SRSF11: variants seen among roughly 807,000 people sequenced by gnomAD.
SRSF11 encodes serine/arginine-rich splicing factor 11.
A neutral mutation model predicts 56.0 loss-of-function variants in SRSF11; 9 were observed. The observed-to-expected ratio is 0.16, with a 90% confidence interval of 0.10 to 0.28. The LOEUF (loss-of-function observed/expected upper bound fraction) is 0.28, where lower values mean the gene tolerates loss of function less well. SRSF11 is among the 10% of genes least tolerant of loss of function. The probability of loss-of-function intolerance (pLI) is 1.00; values close to 1 mark genes in which losing one functional copy is unlikely to be tolerated. For missense variants in SRSF11, 421 were observed against 600.7 expected (o/e 0.70, Z 3.13); for synonymous variants, 222 against 215.3 (o/e 1.03, Z -0.27).
Position 70,221,527 on chromosome 1 carries a change from A to G in SRSF11, c.-110A>G, listed in dbSNP as rs979112776. ...CATCGGCAGCAGTAGCAGAGGCTGT[A>G]GCATCGGACACCCTCCTCTCTCCCG... On this transcript the variant is annotated 5_prime_UTR_variant, in exon 1 of 12. Transcript: ENST00000370949. 5 of 1,379,210 alleles carry G rather than the reference A, an allele frequency of 3.6e-6. No individual in the cohort carries two copies. The highest frequency in any genetic ancestry group is 3.9e-6 in the Non-Finnish European group (4 of 1,017,830). 85.4% of individuals were successfully genotyped at this position (1,379,210 alleles called of 1,614,324 possible).
intron 4 of SRSF11, among the ~76,000 whole-genome samples, chr1:70,235,103 CTTTTA>C (rs766008635): frequency 1.3e-5 from 2 of 151,994 alleles, no homozygotes; most frequent in African/African-American, 2.4e-5. Flanking sequence ...GGAAATTTTT[CTTTTA>C]TTTTAATTTA....
intron 2 of SRSF11, 171 bp downstream of exon 2, chr1:70,228,726 T>C (rs1672331864): frequency 3.1e-6 from 4 of 1,295,830 alleles, no homozygotes; most frequent in African/African-American, 3.1e-5. Context: ...TTCTAAAAAT[T>C]AGAAATTAGG....
chr1:70,226,334 A>C (rs1289072346), intron 1 of SRSF11, among the ~76,000 whole-genome samples: 1 of 152,204 alleles, frequency 6.6e-6, no homozygotes, highest in African/African-American at 2.4e-5. Flanking sequence ...CACAGTATTC[A>C]AATTCATATT....
chr1:70,234,849 GT>G, intron 4 of SRSF11, 61 bp downstream of exon 4: 1 of 1,390,542 alleles, frequency 7.2e-7, no homozygotes, highest in Non-Finnish European at 9.9e-7. Context: ...TTCATTAACT[GT>G]TGGTTTGCAT....
rs1342580437 is a variant in SRSF11, at chr1:70,250,052, G to C, written c.1118+5G>C. 13 of 1,601,046 alleles carry C rather than the reference G, an allele frequency of 8.1e-6. No homozygotes were observed. The highest frequency in any genetic ancestry group is 9.4e-6 in the Non-Finnish European group (11 of 1,169,928). On this transcript the variant is annotated splice_donor_5th_base_variant and intron_variant, in intron 10 of 11. Transcript: ENST00000370949. Reference sequence around the variant, plus strand: ...CCGCTCACCATCCCCTAGGAGGTAAGAATGTTAATCATTTAAATGTATTTT... The same window carrying C: ...CCGCTCACCATCCCCTAGGAGGTAACAATGTTAATCATTTAAATGTATTTT...
chr1:70,236,303 T>A (rs1673994253), intron 5 of SRSF11, among the ~76,000 whole-genome samples: 1 of 151,674 alleles, frequency 6.6e-6, no homozygotes, highest in Non-Finnish European at 1.5e-5. Context: ...TTGTTGTCTA[T>A]AATTTTTTTT....
At chr1:70,247,074 A>G (rs1571938748) in intron 9 of SRSF11, 167 bp downstream of exon 9, 1 of 1,113,434 alleles carries the variant, frequency 9.0e-7, no homozygotes, top group Non-Finnish European at 1.2e-6. Flanking sequence ...TGTGAAGAAT[A>G]ATGTAGTTTA....
intron 1 of SRSF11, among the ~76,000 whole-genome samples, chr1:70,206,509 C>T (rs2100393043): frequency 6.6e-6 from 1 of 152,178 alleles, no homozygotes; most frequent in African/African-American, 2.4e-5. Context: ...TTAAAATTTT[C>T]ATCTGAAATG....
In SRSF11 at chr1:70,251,516, CATA is replaced by C. The variant is rs1677945942; in HGVS notation, c.*713_*715del. 6.6e-6 allele frequency: 1 copy of C among 152,358 alleles called. No homozygotes were observed. The highest frequency in any genetic ancestry group is 6.5e-5 in the Admixed American group (1 of 15,272). 9.4% of individuals were successfully genotyped at this position (152,358 alleles called of 1,614,324 possible). A position where few individuals can be genotyped will look rare whatever the true frequency, so the allele number is the denominator to read the frequency against. ...TTTGAAGTAGAGTTGTATACTTTTT[CATA>C]AGATGTTTGGGAATTTTTTTCCTGA... On this transcript the variant is annotated 3_prime_UTR_variant, in exon 12 of 12. Transcript: ENST00000370949.
chr1:70,221,981 G>A, intron 1 of SRSF11, 142 bp downstream of exon 1: 2 of 1,421,458 alleles, frequency 1.4e-6, no homozygotes, highest in Non-Finnish European at 1.8e-6. Context: ...ACTTAAGACG[G>A]TTGTGTTCCA....
chr1:70,226,483 G>A (rs1671812328), intron 1 of SRSF11, among the ~76,000 whole-genome samples: 1 of 151,934 alleles, frequency 6.6e-6, no homozygotes, highest in African/African-American at 2.4e-5. Flanking sequence ...TTGAGCACGG[G>A]GGCAGTACTT....
At chr1:70,206,997 T>C (rs551471135) in intron 1 of SRSF11, among the ~76,000 whole-genome samples, 1 of 151,612 alleles carries the variant, frequency 6.6e-6, no homozygotes, top group South Asian at 2.1e-4. Context: ...TTCAAGTGAT[T>C]CTCCTGCCTC....
intron 2 of SRSF11, chr1:70,230,499 G>A: frequency 1.6e-6 from 2 of 1,241,248 alleles, no homozygotes; most frequent in Non-Finnish European, 2.1e-6. Flanking sequence ...AGGTTCCTTG[G>A]TTAATGTTTG....
upstream of SRSF11, chr1:70,218,854 C>T (rs1027007485): frequency 5.9e-5 from 9 of 152,104 alleles, no homozygotes; most frequent in African/African-American, 2.2e-4. Context: ...CCTCCATAAC[C>T]ATGTGTTCCA....
chr1:70,247,492 T>C (rs1325748144), intron 9 of SRSF11, among the ~76,000 whole-genome samples: 3 of 152,136 alleles, frequency 2.0e-5, no homozygotes, highest in Non-Finnish European at 4.4e-5. Context: ...GCTGCAGTGC[T>C]TGTTTTATTC....
chr1:70,237,069 G>A (rs1674274221), intron 5 of SRSF11, among the ~76,000 whole-genome samples: 2 of 151,978 alleles, frequency 1.3e-5, no homozygotes, highest in Non-Finnish European at 2.9e-5. Flanking sequence ...TTACAGGCGT[G>A]AGCCACCACA....
chr1:70,239,553 A>G (rs1674859178), intron 7 of SRSF11, 33 bp downstream of exon 7: 1 of 1,455,490 alleles, frequency 6.9e-7, no homozygotes, highest in African/African-American at 1.4e-5. Context: ...TATACCTTAG[A>G]CAAAGATAAT....
rs1239507943 is a variant in SRSF11, at chr1:70,232,299, T to C, written c.369T>C (p.Ser123=). The change falls in exon 3 of 12, where the codon TCT becomes TCC. Residue 123 remains serine (S), a synonymous_variant. Coordinates refer to ENST00000370949, the MANE Select transcript of SRSF11 (RefSeq NM_001350605.2). Reference sequence around the variant, plus strand: ...TTCCTGATGAAGCTAAAGCTTTGTCTCTGTTGGCACCAGCTAATGCAGTGG... The same window carrying C: ...TTCCTGATGAAGCTAAAGCTTTGTCCCTGTTGGCACCAGCTAATGCAGTGG... ...GVIPDEAKAL[S]LLAPANAVAG... is the part of the protein sequence containing the mutation. The C allele has an allele frequency of 5.3e-5, 85 of 1,614,096 alleles. No individual in the cohort carries two copies. The highest frequency in any genetic ancestry group is 7.1e-5 in the Non-Finnish European group (84 of 1,180,052).
chr1:70,248,823 T>C (rs757102203), intron 9 of SRSF11: 3 of 152,210 alleles, frequency 2.0e-5, no homozygotes, highest in Non-Finnish European at 4.4e-5. Context: ...GGAAATGTAA[T>C]ATAAAATACT....
Sources: allele counts gnomAD v4.1 joint callset (sites outside exome capture counted in the v4.1 genomes callset), GRCh38; gene constraint gnomAD v4.1.1; transcripts MANE v1.5; gene names NCBI Gene and HGNC (gene_info 2026-07-23, HGNC 2026-07-21).